Variants in CLASP2 observed in about 807,000 individuals in gnomAD.
The protein encoded by CLASP2 is CLIP-associating protein 2.
Under a neutral mutation model 194.4 loss-of-function variants are expected in CLASP2, and 47 were observed. That is an observed-to-expected ratio of 0.24 (90% CI 0.19 to 0.31). The LOEUF (loss-of-function observed/expected upper bound fraction) is 0.31, where lower values mean the gene tolerates loss of function less well. Among genes scored for constraint, CLASP2 ranks in the 10% least tolerant of loss-of-function variants. The pLI is 1.00. For missense variants in CLASP2, 1,445 were observed against 1,823.6 expected, an observed-to-expected ratio of 0.79 and a Z score of 3.78; for synonymous variants, 619 against 633.5, an observed-to-expected ratio of 0.98 and a Z score of 0.34.
chr3:33,682,100 T>C (rs1382104478), intron 6 of CLASP2, among the ~76,000 whole-genome samples: 1 of 152,192 alleles, frequency 6.6e-6, no homozygotes, highest in Non-Finnish European at 1.5e-5. Flanking sequence ...CCCTGAATCA[T>C]GAGCCAAATA....
intron 34 of CLASP2, among the ~76,000 whole-genome samples, chr3:33,529,972 G>A (rs1224370899): frequency 6.2e-5 from 7 of 113,758 alleles, no homozygotes; most frequent in East Asian, 2.9e-4. Context: ...GCGACAGAGC[G>A]AGACTCCGTC....
At chr3:33,500,034 T>C (rs1575545793) in intron 38 of CLASP2, among the ~76,000 whole-genome samples, 3 of 151,564 alleles carry the variant, frequency 2.0e-5, no homozygotes, top group Non-Finnish European at 1.5e-5. Context: ...CAATTCTGTG[T>C]TCTACTTTTT....
chr3:33,570,533 A>G (rs2063535186), intron 26 of CLASP2, among the ~76,000 whole-genome samples, 194 bp downstream of exon 26: 1 of 152,186 alleles, frequency 6.6e-6, no homozygotes, highest in Admixed American at 6.5e-5. Context: ...TAGACCATCT[A>G]TCATTGGAGA....
intron 6 of CLASP2, among the ~76,000 whole-genome samples, chr3:33,666,622 T>C (rs13100100): frequency 0.11 from 17,482 of 152,290 alleles, 1,376 homozygotes; most frequent in Non-Finnish European, 0.17. Flanking sequence ...CATATGTAGA[T>C]GTGGGGTGTC....
Position 33,497,653 on chromosome 3 carries a change from A to G in CLASP2, c.*978T>C, listed in dbSNP as rs1423936321. On this transcript the variant is annotated 3_prime_UTR_variant, in exon 39 of 39. Transcript: ENST00000682230. ...GACAATTTCATGGTAAAAGGAAACCAGGTTCCACCATTTAAAGAAAAGGTG... is the reference window on the plus strand; with the variant it reads ...GACAATTTCATGGTAAAAGGAAACCGGGTTCCACCATTTAAAGAAAAGGTG... 6.6e-6 allele frequency: 1 copy of G among 152,662 alleles called. No individual in the cohort carries two copies. The highest frequency in any genetic ancestry group is 2.1e-4 in the South Asian group (1 of 4,826). The allele number at this position is 152,662 out of a possible 1,614,324, so 9.5% of individuals were successfully genotyped here.
At chr3:33,695,442 G>A (rs2091789678) in intron 2 of CLASP2, among the ~76,000 whole-genome samples, 1 of 151,570 alleles carries the variant, frequency 6.6e-6, no homozygotes, top group African/African-American at 2.4e-5. Flanking sequence ...AGGATGAAGT[G>A]GAACCTGGTG....
At chr3:33,603,504 C>T (rs189433780) in intron 17 of CLASP2, among the ~76,000 whole-genome samples, 297 of 152,228 alleles carry the variant, frequency 2.0e-3, no homozygotes, top group Middle Eastern at 6.8e-3. Context: ...GATAAAAATA[C>T]AAGAAAAACT....
At chr3:33,547,449 G>A (rs1023947709) in intron 30 of CLASP2, among the ~76,000 whole-genome samples, 1 of 152,192 alleles carries the variant, frequency 6.6e-6, no homozygotes, top group Non-Finnish European at 1.5e-5. Context: ...CCAGTCTCAA[G>A]TATGTCTTTA....
chr3:33,617,070 G>A (rs2076317574), intron 12 of CLASP2, among the ~76,000 whole-genome samples: 1 of 147,550 alleles, frequency 6.8e-6, no homozygotes, highest in Non-Finnish European at 1.5e-5. Flanking sequence ...CTGGATTAAG[G>A]TTGTCTACAA....
At chr3:33,697,265 T>C (rs1456897448) in intron 1 of CLASP2, among the ~76,000 whole-genome samples, 2 of 152,308 alleles carry the variant, frequency 1.3e-5, no homozygotes, top group East Asian at 1.9e-4. Context: ...CTAACAAATG[T>C]ATCATCAGGT....
intron 12 of CLASP2, among the ~76,000 whole-genome samples, chr3:33,612,880 A>G (rs1218196617): frequency 6.6e-6 from 1 of 152,198 alleles, no homozygotes. Flanking sequence ...TCATGATCAG[A>G]GGCTAGGAAG....
chr3:33,694,561 A>G (rs2091676928), intron 2 of CLASP2, among the ~76,000 whole-genome samples: 1 of 152,174 alleles, frequency 6.6e-6, no homozygotes, highest in South Asian at 2.1e-4. Flanking sequence ...CAGTATTCCA[A>G]CCTTACCATA....
chr3:33,675,221 T>A (rs2088298074), intron 6 of CLASP2, among the ~76,000 whole-genome samples: 2 of 151,436 alleles, frequency 1.3e-5, no homozygotes, highest in African/African-American at 2.4e-5. Context: ...CAGCAGCACA[T>A]CAAAAAGCTT....
In CLASP2 at chr3:33,607,392, C is replaced by T. The variant is rs1413403408; in HGVS notation, c.1518G>A (p.Glu506=). 1 of 1,606,776 alleles carries T rather than the reference C, an allele frequency of 6.2e-7. No individual in the cohort carries two copies. Among genetic ancestry groups the T allele is most frequent in the Non-Finnish European group, 8.5e-7 (1 of 1,177,046 alleles). The change falls in exon 15 of 39, where the codon GAG becomes GAA. Residue 506 remains glutamate (E), a synonymous_variant. Transcript: ENST00000682230. ...ATACTACACTGACTTACTTTCTTGCCTCCACTCTGGCCTCAGCGTCAGCAT... is the reference window on the plus strand; with the variant it reads ...ATACTACACTGACTTACTTTCTTGCTTCCACTCTGGCCTCAGCGTCAGCAT... ...IHDADAEARV[E]ARKTYMGLRN... is the part of the protein sequence containing the mutation.
intron 6 of CLASP2, among the ~76,000 whole-genome samples, chr3:33,664,459 T>G (rs561206343): frequency 6.6e-6 from 1 of 152,280 alleles, no homozygotes; most frequent in South Asian, 2.1e-4. Context: ...AAACCTTACT[T>G]AAGCCTTGGT....
rs751984268 is a variant in CLASP2, at chr3:33,544,712, C to T, written c.3283G>A (p.Gly1095Ser). 5 of 1,610,982 alleles carry T rather than the reference C, an allele frequency of 3.1e-6. No homozygotes were observed. The highest frequency in any genetic ancestry group is 4.2e-6 in the Non-Finnish European group (5 of 1,178,752). ...KLLHNHLRNTGNGTQSSMGSP... is the reference protein window; with the variant it reads ...KLLHNHLRNTSNGTQSSMGSP... ...GTAACAATTACCTGGGTTCCATTGC[C>T]AGTGTTTCGAAGGTGATTATGAAGA... The change falls in exon 31 of 39, where the codon GGC becomes AGC. Residue 1095 changes from glycine (G) to serine (S), a missense_variant. Gly to Ser is a moderately conservative substitution (Grantham distance 56, BLOSUM62 0). Around this residue, in one of 4 missense-constraint regions of CLASP2, gnomAD observed 732 missense variants for 987.9 expected, o/e 0.74. Coordinates refer to ENST00000682230, the MANE Select transcript of CLASP2 (RefSeq NM_001365631.1).
intron 8 of CLASP2, among the ~76,000 whole-genome samples, chr3:33,641,060 G>A (rs1300773932): frequency 6.6e-6 from 1 of 151,884 alleles, no homozygotes; most frequent in Non-Finnish European, 1.5e-5. Context: ...AATGACCCTG[G>A]CAGGTTACTT....
At chr3:33,650,607 G>T (rs1032792422) in intron 7 of CLASP2, among the ~76,000 whole-genome samples, 1 of 151,990 alleles carries the variant, frequency 6.6e-6, no homozygotes, top group Non-Finnish European at 1.5e-5. Context: ...AGATGGAAAT[G>T]AAGTAGGAAT....
At chr3:33,637,392 A>G (rs570008259) in intron 8 of CLASP2, among the ~76,000 whole-genome samples, 7 of 152,120 alleles carry the variant, frequency 4.6e-5, no homozygotes, top group Non-Finnish European at 1.0e-4. Context: ...TTAGCTGGGC[A>G]TGGTGGTGGC....
Sources: allele counts gnomAD v4.1 joint callset (sites outside exome capture counted in the v4.1 genomes callset), GRCh38; gene constraint gnomAD v4.1.1; regional missense constraint gnomAD v4.1.1; transcripts MANE v1.5; gene names NCBI Gene and HGNC (gene_info 2026-07-23, HGNC 2026-07-21).